The following HK1 variants were observed in gnomAD, a reference collection of about 807,000 sequenced individuals.
HK1 encodes the protein hexokinase 1.
A neutral mutation model predicts 91.6 loss-of-function variants in HK1; 28 were observed. The observed-to-expected ratio is 0.31, with a 90% CI of 0.23 to 0.42. The LOEUF (loss-of-function observed/expected upper bound fraction) is 0.42. HK1 is among the 10% of genes least tolerant of loss of function. The pLI, the probability that HK1 is intolerant of heterozygous loss-of-function variation, is 1.00. For synonymous variants in HK1, 430 were observed against 468.1 expected (o/e 0.92, Z 1.05); for missense variants, 770 against 1,219.8 (o/e 0.63, Z 5.49).
At chr10:69,318,132 G>C (rs1032423820), upstream of HK1, 2 of 985,326 alleles carry the variant, frequency 2.0e-6, no homozygotes, top group Non-Finnish European at 1.2e-6. Context: ...ACTCGGGGGC[G>C]GGTGCTCTGG....
intron 1 of HK1, chr10:69,271,218 C>G (rs998485134): frequency 6.6e-6 from 1 of 152,140 alleles, no homozygotes; most frequent in Non-Finnish European, 1.5e-5. Context: ...ATCAGGAACT[C>G]TCAACCTTTG....
At chr10:69,270,411 T>A (rs527708788) in intron 1 of HK1, among the ~76,000 whole-genome samples, 1 of 152,094 alleles carries the variant, frequency 6.6e-6, no homozygotes, top group Non-Finnish European at 1.5e-5. Context: ...TGAAACCTCA[T>A]CTCTACTAAA....
intron 8 of HK1, among the ~76,000 whole-genome samples, chr10:69,378,352 T>A (rs904539986): frequency 2.0e-5 from 3 of 152,130 alleles, no homozygotes; most frequent in African/African-American, 7.2e-5. Context: ...GAGCAGATGT[T>A]AGAGGCATTC....
chr10:69,388,643 C>T (rs962876247), intron 13 of HK1, among the ~76,000 whole-genome samples: 1 of 152,190 alleles, frequency 6.6e-6, no homozygotes, highest in Non-Finnish European at 1.5e-5. Context: ...CTCATCATTG[C>T]ATTTAGATCA....
chr10:69,275,289 G>A (rs1467583659), intron 1 of HK1, among the ~76,000 whole-genome samples: 1 of 151,378 alleles, frequency 6.6e-6, no homozygotes, highest in Non-Finnish European at 1.5e-5. Flanking sequence ...GGGAGGCCAA[G>A]GTGGGAGGAT....
chr10:69,360,726 G>C (rs572256437), intron 3 of HK1, among the ~76,000 whole-genome samples: 38 of 152,306 alleles, frequency 2.5e-4, no homozygotes, highest in African/African-American at 9.1e-4. Flanking sequence ...CTCCTCTCTG[G>C]GTGCGGGGAG....
At chr10:69,279,603 A>C (rs1844638177) in intron 1 of HK1, among the ~76,000 whole-genome samples, 1 of 152,226 alleles carries the variant, frequency 6.6e-6, no homozygotes, top group African/African-American at 2.4e-5. Flanking sequence ...TTTCTCCAGA[A>C]ACTAAGTAGA....
chr10:69,374,045 A>G (rs1454965464), intron 7 of HK1, among the ~76,000 whole-genome samples: 1 of 152,198 alleles, frequency 6.6e-6, no homozygotes, highest in Non-Finnish European at 1.5e-5. Flanking sequence ...CTGCAACAGC[A>G]AACGCTGGTG....
chr10:69,385,098 T>C (rs1839570749), intron 12 of HK1, among the ~76,000 whole-genome samples, 183 bp downstream of exon 12: 2 of 152,196 alleles, frequency 1.3e-5, no homozygotes, highest in Non-Finnish European at 2.9e-5. Context: ...TTCTCTCTTC[T>C]TTTCTCTTTG....
At chr10:69,306,028 T>A (rs1846085824) in intron 5 of HK1, among the ~76,000 whole-genome samples, 1 of 152,036 alleles carries the variant, frequency 6.6e-6, no homozygotes, top group African/African-American at 2.4e-5. Flanking sequence ...CCCACACTTT[T>A]TCCAAAGAGG....
intron 2 of HK1, among the ~76,000 whole-genome samples, chr10:69,350,312 A>G (rs763029806): frequency 6.6e-6 from 1 of 152,172 alleles, no homozygotes; most frequent in Non-Finnish European, 1.5e-5. Flanking sequence ...GAGGGTAGTT[A>G]TCTAAAGAGA....
intron 14 of HK1, among the ~76,000 whole-genome samples, chr10:69,389,948 T>C (rs1395100662): frequency 1.3e-5 from 2 of 152,202 alleles, no homozygotes; most frequent in Non-Finnish European, 2.9e-5. Context: ...CCATTTGTCC[T>C]GCTGGCCCTG....
chr10:69,379,234 T>C (rs1246001010), intron 8 of HK1, among the ~76,000 whole-genome samples: 1 of 152,076 alleles, frequency 6.6e-6, no homozygotes. Context: ...ATAATAAAAA[T>C]ATGTACATAT....
intron 1 of HK1, among the ~76,000 whole-genome samples, chr10:69,270,276 G>C (rs563101108): frequency 6.6e-6 from 1 of 152,124 alleles, no homozygotes; most frequent in East Asian, 1.9e-4. Flanking sequence ...GCACCCAGCT[G>C]ACTTTTCCTT....
intron 5 of HK1, chr10:69,300,940 G>A (rs906222): frequency 0.91 from 730,114 of 801,614 alleles, 333,122 homozygotes; most frequent in East Asian, 0.99. Flanking sequence ...AGGATACAAG[G>A]TTAATATACA....
In HK1 at chr10:69,318,942, G is replaced by A. The variant is rs781029233; in HGVS notation, c.-6G>A. On this transcript the variant is annotated 5_prime_UTR_variant, in exon 1 of 18. Coordinates refer to ENST00000359426, the MANE Select transcript of HK1 (RefSeq NM_000188.3). Reference sequence around the variant, plus strand: ...CGCCTGCCGCCCCGCGACCCCGACCGCCAGCATGATCGCCGCGCAGCTCCT... The same window carrying A: ...CGCCTGCCGCCCCGCGACCCCGACCACCAGCATGATCGCCGCGCAGCTCCT... 3 of 1,590,160 alleles carry A rather than the reference G, an allele frequency of 1.9e-6. No homozygotes were observed. In the South Asian group the frequency reaches 3.4e-5, roughly 18 times the overall value.
intron 8 of HK1, among the ~76,000 whole-genome samples, chr10:69,379,132 G>A (rs558420358): frequency 9.9e-5 from 15 of 152,112 alleles, no homozygotes; most frequent in African/African-American, 3.4e-4. Flanking sequence ...TATTTGGGGC[G>A]AGGTTGGTTT....
chr10:69,360,714 C>T (rs1849375642), intron 3 of HK1, among the ~76,000 whole-genome samples: 1 of 152,140 alleles, frequency 6.6e-6, no homozygotes, highest in Non-Finnish European at 1.5e-5. Context: ...TCCACCTGCC[C>T]CCTCCTCTCT....
At chr10:69,376,257 G>A (rs923320047) in intron 7 of HK1, among the ~76,000 whole-genome samples, 4 of 152,162 alleles carry the variant, frequency 2.6e-5, no homozygotes, top group Admixed American at 6.5e-5. Context: ...GAAAAGTATA[G>A]CATACAAGCC....
Sources: gnomAD v4.1 joint callset for allele counts (sites outside exome capture counted in the v4.1 genomes callset) on GRCh38, gnomAD v4.1.1 for gene constraint, MANE v1.5 for transcripts, NCBI Gene and HGNC (gene_info 2026-07-23, HGNC 2026-07-21) for gene names.